The following EXT1 variants were observed in gnomAD, a reference collection of about 807,000 sequenced individuals.
The protein encoded by EXT1 is exostosin-1.
Under a neutral mutation model 82.5 loss-of-function variants are expected in EXT1, and 20 were observed. The observed-to-expected ratio is 0.24, with a 90% CI of 0.17 to 0.35. The LOEUF (loss-of-function observed/expected upper bound fraction) is 0.35. Among genes scored for constraint, EXT1 ranks in the 10% least tolerant of loss-of-function variants. The probability of loss-of-function intolerance (pLI) is 1.00; values close to 1 mark genes in which losing one functional copy is unlikely to be tolerated. For missense variants in EXT1, 757 were observed against 936.5 expected (o/e 0.81, Z 2.50); for synonymous variants, 348 against 350.8 (o/e 0.99, Z 0.09).
chr8:118,102,245 T>A (rs989064378), intron 1 of EXT1, among the ~76,000 whole-genome samples: 13 of 151,660 alleles, frequency 8.6e-5, no homozygotes, highest in Admixed American at 8.5e-4. Flanking sequence ...CCAGCCTGGG[T>A]GACAGAGCAA....
intron 1 of EXT1, among the ~76,000 whole-genome samples, chr8:117,958,660 A>G (rs1173506520): frequency 6.6e-6 from 1 of 152,224 alleles, no homozygotes; most frequent in Non-Finnish European, 1.5e-5. Flanking sequence ...TAAAAATTTA[A>G]TATCAGAGAA....
At chr8:117,953,397 T>C (rs1250258325) in intron 1 of EXT1, among the ~76,000 whole-genome samples, 2 of 151,968 alleles carry the variant, frequency 1.3e-5, no homozygotes, top group Admixed American at 1.3e-4. Context: ...TCTGCTCCCA[T>C]GATTCTGCAA....
intron 1 of EXT1, among the ~76,000 whole-genome samples, chr8:117,969,923 T>C (rs780505068): frequency 3.5e-4 from 54 of 152,204 alleles, no homozygotes; most frequent in Non-Finnish European, 6.9e-4. Flanking sequence ...GTTACCTTGA[T>C]TAGCTGATTT....
At chr8:117,899,373 T>C (rs1407034759) in intron 1 of EXT1, among the ~76,000 whole-genome samples, 1 of 152,240 alleles carries the variant, frequency 6.6e-6, no homozygotes, top group African/African-American at 2.4e-5. Flanking sequence ...GCATTCATAA[T>C]ATATCTTCCC....
chr8:117,850,257 G>T (rs957236805), intron 1 of EXT1, among the ~76,000 whole-genome samples: 2 of 152,200 alleles, frequency 1.3e-5, no homozygotes, highest in African/African-American at 4.8e-5. Context: ...TTCCTTTGTT[G>T]AGTCGTTGAC....
chr8:118,006,711 T>C (rs903229979), intron 1 of EXT1, among the ~76,000 whole-genome samples: 1 of 152,174 alleles, frequency 6.6e-6, no homozygotes, highest in African/African-American at 2.4e-5. Context: ...GAAAAAATAT[T>C]CACATTTTTA....
chr8:117,799,488 T>C lies in EXT1; in HGVS notation c.*224A>G. On this transcript the variant is annotated 3_prime_UTR_variant, in exon 11 of 11. Transcript: ENST00000378204. ...TAATTAAACTGTACACAACCTAGTCTTGGGACACAGAAGCCAGTGAGGTGA... is the reference window on the plus strand; with the variant it reads ...TAATTAAACTGTACACAACCTAGTCCTGGGACACAGAAGCCAGTGAGGTGA... 3.4e-6 allele frequency: 2 copies of C among 587,560 alleles called. No individual in the cohort carries two copies. Among genetic ancestry groups the C allele is most frequent in the South Asian group, 2.0e-5 (1 of 49,428 alleles). The allele number at this position is 587,560 out of a possible 1,614,324, so 36.4% of individuals were successfully genotyped here. A position where few individuals can be genotyped will look rare whatever the true frequency, so the allele number is the denominator to read the frequency against.
intron 1 of EXT1, among the ~76,000 whole-genome samples, chr8:117,899,131 G>A (rs1321111164): frequency 6.6e-6 from 1 of 152,182 alleles, no homozygotes; most frequent in East Asian, 1.9e-4. Flanking sequence ...ATTTACGCTA[G>A]AGAGAAGATG....
intron 1 of EXT1, among the ~76,000 whole-genome samples, chr8:117,873,455 T>G (rs1812910727): frequency 6.9e-6 from 1 of 145,680 alleles, no homozygotes; most frequent in Non-Finnish European, 1.5e-5. Flanking sequence ...GACTTTTTTT[T>G]TTTTTTTTTT....
intron 1 of EXT1, among the ~76,000 whole-genome samples, chr8:118,044,867 T>C (rs1035685716): frequency 2.0e-5 from 3 of 152,246 alleles, no homozygotes; most frequent in Non-Finnish European, 4.4e-5. Flanking sequence ...ACATAGCTCA[T>C]TTGTTTACAT....
At chr8:117,933,011 C>A (rs17504631) in intron 1 of EXT1, among the ~76,000 whole-genome samples, 2,675 of 152,190 alleles carry the variant, frequency 0.018, 32 homozygotes, top group Middle Eastern at 0.048. Flanking sequence ...GTTCCTTGAA[C>A]AAAGCTCTCA....
chr8:117,952,964 A>G (rs971803926), intron 1 of EXT1, among the ~76,000 whole-genome samples: 13 of 152,220 alleles, frequency 8.5e-5, no homozygotes, highest in African/African-American at 3.1e-4. Flanking sequence ...ATGACTGAAT[A>G]GTAGAGTTAG....
intron 1 of EXT1, among the ~76,000 whole-genome samples, chr8:117,956,355 ACT>A (rs1252451216): frequency 3.9e-5 from 6 of 152,078 alleles, no homozygotes; most frequent in Non-Finnish European, 4.4e-5. Flanking sequence ...CTGGTGGAAG[ACT>A]CTGACTACCA....
intron 1 of EXT1, among the ~76,000 whole-genome samples, chr8:117,940,680 C>G (rs1305282005): frequency 6.6e-6 from 1 of 152,084 alleles, no homozygotes; most frequent in East Asian, 1.9e-4. Flanking sequence ...TAAGAAGACT[C>G]GGGAGATGGT....
chr8:117,830,409 C>G, intron 3 of EXT1, 60 bp from the exon 4 acceptor site: 1 of 1,590,132 alleles, frequency 6.3e-7, no homozygotes, highest in Non-Finnish European at 8.6e-7. Flanking sequence ...TGCACTTGAT[C>G]AAAATAACCC....
chr8:117,953,493 C>G (rs1373679208), intron 1 of EXT1, among the ~76,000 whole-genome samples: 3 of 151,540 alleles, frequency 2.0e-5, no homozygotes, highest in African/African-American at 7.3e-5. Context: ...TCCACTCCAC[C>G]TATCTCGTAT....
intron 1 of EXT1, among the ~76,000 whole-genome samples, chr8:117,918,151 C>T (rs1423932955): frequency 6.6e-6 from 1 of 152,220 alleles, no homozygotes; most frequent in Non-Finnish European, 1.5e-5. Context: ...CGTCACTACA[C>T]TGAATGTGAA....
intron 1 of EXT1, among the ~76,000 whole-genome samples, chr8:118,100,060 G>A (rs1366525963): frequency 6.6e-6 from 1 of 152,096 alleles, no homozygotes; most frequent in African/African-American, 2.4e-5. Context: ...TAATATGAAT[G>A]GCTCTCCCCA....
chr8:117,888,445 A>G (rs1245613782), intron 1 of EXT1, among the ~76,000 whole-genome samples: 1 of 152,162 alleles, frequency 6.6e-6, no homozygotes, highest in African/African-American at 2.4e-5. Context: ...AAAGTAATAT[A>G]ATAGTTCTCA....
Sources: gnomAD v4.1 joint callset for allele counts (sites outside exome capture counted in the v4.1 genomes callset) on GRCh38, gnomAD v4.1.1 for gene constraint, MANE v1.5 for transcripts, NCBI Gene and HGNC (gene_info 2026-07-23, HGNC 2026-07-21) for gene names.